Variants in CTNND2 observed in about 807,000 individuals in gnomAD.
CTNND2 encodes the protein catenin delta 2, also known as catenin delta-2.
Under a neutral mutation model 144.4 loss-of-function variants are expected in CTNND2, and 22 were observed. That is an observed-to-expected ratio of 0.15 (90% CI 0.11 to 0.22). CTNND2 has a LOEUF of 0.22. Ranked by LOEUF, CTNND2 falls within the 10% of genes least tolerant of loss-of-function variation. The probability of loss-of-function intolerance (pLI) is 1.00; values close to 1 mark genes in which losing one functional copy is unlikely to be tolerated. For synonymous variants in CTNND2, 751 were observed against 695.6 expected, an observed-to-expected ratio of 1.08 and a Z score of -1.25; for missense variants, 1,353 against 1,618.8, an observed-to-expected ratio of 0.84 and a Z score of 2.82.
chr5:11,823,482 T>A (rs1793432214), intron 1 of CTNND2, among the ~76,000 whole-genome samples: 1 of 152,204 alleles, frequency 6.6e-6, no homozygotes, highest in South Asian at 2.1e-4. Context: ...GGTGGCCAAA[T>A]TGTTAATCAC....
chr5:11,589,147 T>A (rs1361060797), intron 2 of CTNND2: 4 of 489,358 alleles, frequency 8.2e-6, no homozygotes, highest in Non-Finnish European at 5.3e-6. Flanking sequence ...TAGACCCCCA[T>A]TGGCATTATT....
At chr5:11,808,080 T>C (rs1000665537) in intron 1 of CTNND2, among the ~76,000 whole-genome samples, 1 of 152,124 alleles carries the variant, frequency 6.6e-6, no homozygotes, top group Non-Finnish European at 1.5e-5. Flanking sequence ...AGCCTCAAAA[T>C]AAGTCCTACT....
At chr5:11,518,136 T>C (rs577734148) in intron 3 of CTNND2, among the ~76,000 whole-genome samples, 10 of 152,322 alleles carry the variant, frequency 6.6e-5, no homozygotes, top group East Asian at 1.9e-4. Flanking sequence ...GGTGGTCCCA[T>C]AGAATTGTAA....
chr5:11,017,014 T>A (rs1741679526), intron 18 of CTNND2, among the ~76,000 whole-genome samples: 1 of 151,946 alleles, frequency 6.6e-6, no homozygotes, highest in East Asian at 1.9e-4. Flanking sequence ...TGACCTCAGG[T>A]GATCTGCCTA....
intron 9 of CTNND2, among the ~76,000 whole-genome samples, chr5:11,322,424 T>G (rs1752128173): frequency 6.6e-6 from 1 of 152,184 alleles, no homozygotes; most frequent in Admixed American, 6.5e-5. Context: ...AGTTGCATAA[T>G]AATATTATGC....
intron 2 of CTNND2, among the ~76,000 whole-genome samples, chr5:11,655,696 A>C (rs1478572117): frequency 2.0e-5 from 3 of 150,278 alleles, no homozygotes. Context: ...ATATTGATTG[A>C]TTATTTTCAT....
At chr5:11,481,343 A>G (rs919752156) in intron 3 of CTNND2, among the ~76,000 whole-genome samples, 1 of 152,166 alleles carries the variant, frequency 6.6e-6, no homozygotes, top group Non-Finnish European at 1.5e-5. Context: ...CAAGTTTCTC[A>G]CCAATCTCAC....
intron 1 of CTNND2, among the ~76,000 whole-genome samples, chr5:11,803,401 T>C (rs1246956024): frequency 2.0e-5 from 3 of 152,150 alleles, no homozygotes; most frequent in Admixed American, 6.5e-5. Context: ...TGAAAAATCA[T>C]CTTTGCTCCA....
chr5:11,200,382 T>G (rs1162951836), intron 10 of CTNND2, among the ~76,000 whole-genome samples: 2 of 152,190 alleles, frequency 1.3e-5, no homozygotes, highest in East Asian at 3.8e-4. Flanking sequence ...TGGCTGCCCT[T>G]TGATTTGGGG....
chr5:11,382,072 T>C (rs1320656221), intron 7 of CTNND2, among the ~76,000 whole-genome samples: 2 of 152,176 alleles, frequency 1.3e-5, no homozygotes, highest in Admixed American at 1.3e-4. Flanking sequence ...AACCTCAGCA[T>C]CATGCAATAT....
intron 9 of CTNND2, among the ~76,000 whole-genome samples, chr5:11,261,772 C>G (rs1212411551): frequency 6.6e-6 from 1 of 152,168 alleles, no homozygotes; most frequent in Non-Finnish European, 1.5e-5. Flanking sequence ...AAAGGGAGAG[C>G]ATGAGAAATA....
intron 1 of CTNND2, among the ~76,000 whole-genome samples, chr5:11,783,239 A>G (rs966581402): frequency 4.6e-5 from 7 of 152,210 alleles, no homozygotes; most frequent in Non-Finnish European, 1.0e-4. Context: ...TCTCCATTGC[A>G]TAGAGATATT....
intron 2 of CTNND2, among the ~76,000 whole-genome samples, chr5:11,727,646 C>T (rs1343620669): frequency 1.3e-5 from 2 of 152,166 alleles, no homozygotes; most frequent in Non-Finnish European, 2.9e-5. Context: ...ATGGATAATT[C>T]TTCCCTTCTC....
intron 9 of CTNND2, among the ~76,000 whole-genome samples, chr5:11,253,444 T>C (rs972561360): frequency 2.6e-5 from 4 of 152,230 alleles, no homozygotes. Flanking sequence ...ATTTTCATGC[T>C]AGTGAATAAG....
intron 16 of CTNND2, among the ~76,000 whole-genome samples, chr5:11,043,603 C>G (rs950374626): frequency 1.3e-5 from 2 of 152,114 alleles, no homozygotes; most frequent in Non-Finnish European, 1.5e-5. Flanking sequence ...AAAAAATGAG[C>G]TTAGAAGACC....
At chr5:11,267,207 G>A (rs1745530417) in intron 9 of CTNND2, among the ~76,000 whole-genome samples, 1 of 152,146 alleles carries the variant, frequency 6.6e-6, no homozygotes. Flanking sequence ...AGACAGTACT[G>A]TTGGGAAGGG....
At chr5:11,605,293 T>G (rs1019703239) in intron 2 of CTNND2, among the ~76,000 whole-genome samples, 4 of 152,194 alleles carry the variant, frequency 2.6e-5, no homozygotes, top group African/African-American at 9.6e-5. Context: ...ATGACCACGT[T>G]TATGTCAATG....
Position 11,098,659 on chromosome 5 carries a change from G to T in CTNND2, c.2553C>A (p.Leu851=). ...GATTTGAGCACTCAGAGAGCAGTGT[G>T]AGGTAGGGTTTGACTATTGATGGGT... ...LWHPSIVKPY[L]TLLSECSNPD... is the part of the protein sequence containing the mutation. The change falls in exon 15 of 22, where the codon CTC becomes CTA. Residue 851 remains leucine, a synonymous_variant. Coordinates refer to ENST00000304623, the MANE Select transcript of CTNND2 (RefSeq NM_001332.4). The T allele has an allele frequency of 6.2e-7, 1 of 1,614,164 alleles. No homozygotes were observed. Among genetic ancestry groups the T allele is most frequent in the Non-Finnish European group, 8.5e-7 (1 of 1,180,010 alleles).
At chr5:11,420,660 A>G (rs1762296125) in intron 3 of CTNND2, among the ~76,000 whole-genome samples, 1 of 152,154 alleles carries the variant, frequency 6.6e-6, no homozygotes, top group African/African-American at 2.4e-5. Flanking sequence ...CTCTCCGCAG[A>G]ATGTTTCGTG....
Sources: gnomAD v4.1 joint callset for allele counts (sites outside exome capture counted in the v4.1 genomes callset) on GRCh38, gnomAD v4.1.1 for gene constraint, MANE v1.5 for transcripts, NCBI Gene and HGNC (gene_info 2026-07-23, HGNC 2026-07-21) for gene names.